Variants in SEMA4F observed in about 807,000 individuals in gnomAD.
SEMA4F encodes semaphorin-4F.
Under a neutral mutation model 78.4 loss-of-function variants are expected in SEMA4F, and 51 were observed. The ratio of observed to expected loss-of-function variants is 0.65; its 90% CI spans 0.52 to 0.82. The LOEUF (loss-of-function observed/expected upper bound fraction) is 0.82, where lower values mean the gene tolerates loss of function less well. SEMA4F is among the 40% of genes least tolerant of loss of function. The probability of loss-of-function intolerance (pLI) is 0.00; values close to 1 mark genes in which losing one functional copy is unlikely to be tolerated. For missense variants in SEMA4F, 938 were observed against 1,014.4 expected (o/e 0.92, Z 1.02); for synonymous variants, 418 against 408.7 (o/e 1.02, Z -0.27).
intron 5 of SEMA4F, 83 bp downstream of exon 5, chr2:74,662,908 T>C (rs1416648215): frequency 8.3e-7 from 1 of 1,210,794 alleles, no homozygotes; most frequent in Non-Finnish European, 1.2e-6. Flanking sequence ...CTGTGTTCTT[T>C]CTTACCTTGG....
At chr2:74,697,364 T>C in the SEMA4F span, among the ~76,000 whole-genome samples, 1 of 152,218 alleles carries the variant, frequency 6.6e-6, no homozygotes. Context: ...CTTGCACTTC[T>C]CTTTGAGAGG....
chr2:74,670,906 T>A lies in SEMA4F; in HGVS notation c.551-2551T>A, dbSNP rs116564061. Among the ~76,000 whole-genome samples the A allele has an allele frequency of 9.2e-3, 1,395 of 152,352 alleles. 8 individuals carry two copies. Among genetic ancestry groups the A allele is most frequent in the Non-Finnish European group, 0.013 (903 of 68,036 alleles). On this transcript the variant is annotated intron_variant, in intron 5 of 13. Coordinates refer to ENST00000357877, the MANE Select transcript of SEMA4F (RefSeq NM_004263.5). ...AGCTTCCCCCTCTTCTGGTGGCAGA[T>A]CAAGCATATGGCCCTTTGAAGTTTC...
intron 4 of SEMA4F, among the ~76,000 whole-genome samples, chr2:74,660,713 T>A (rs1251074950): frequency 6.6e-6 from 1 of 152,242 alleles, no homozygotes; most frequent in African/African-American, 2.4e-5. Flanking sequence ...AATAGGAGGC[T>A]CACCTCTTCA....
chr2:74,706,788 C>A, the SEMA4F span, among the ~76,000 whole-genome samples: 2 of 152,088 alleles, frequency 1.3e-5, no homozygotes, highest in Non-Finnish European at 2.9e-5. Context: ...TGTTTGAAAT[C>A]TCTTCATCTC....
intron 5 of SEMA4F, among the ~76,000 whole-genome samples, chr2:74,666,737 A>T (rs956126563): frequency 6.6e-6 from 1 of 152,230 alleles, no homozygotes; most frequent in African/African-American, 2.4e-5. Context: ...TGGTAACATT[A>T]TATAATCATT....
chr2:74,671,602 A>T (rs80270422), intron 5 of SEMA4F, among the ~76,000 whole-genome samples: 1 of 152,134 alleles, frequency 6.6e-6, no homozygotes, highest in Admixed American at 6.5e-5. Context: ...CTTTCATGTC[A>T]TGACTTAAGC....
the SEMA4F span, among the ~76,000 whole-genome samples, chr2:74,690,448 A>G: frequency 6.6e-6 from 1 of 152,314 alleles, no homozygotes; most frequent in South Asian, 2.1e-4. Flanking sequence ...AGAATAAGTG[A>G]AGGAAAAAAA....
intron 5 of SEMA4F, among the ~76,000 whole-genome samples, chr2:74,669,657 T>A (rs1375784308): frequency 2.0e-5 from 3 of 152,126 alleles, no homozygotes; most frequent in Non-Finnish European, 4.4e-5. Context: ...GAACTGATAA[T>A]TCCTATTGTA....
intron 4 of SEMA4F, among the ~76,000 whole-genome samples, chr2:74,661,575 A>C (rs1170964439): frequency 6.6e-6 from 1 of 152,178 alleles, no homozygotes; most frequent in Non-Finnish European, 1.5e-5. Context: ...TCAGGTGAGG[A>C]TGCTCCCACT....
At chr2:74,703,378 G>A in the SEMA4F span, among the ~76,000 whole-genome samples, 1 of 152,188 alleles carries the variant, frequency 6.6e-6, no homozygotes. Context: ...GTTCTAAAAG[G>A]TCAGAGAAGC....
At chr2:74,664,306 T>C (rs981633698) in intron 5 of SEMA4F, among the ~76,000 whole-genome samples, 1 of 152,242 alleles carries the variant, frequency 6.6e-6, no homozygotes. Context: ...AAAAATTCAT[T>C]GTAAAGATAA....
chr2:74,674,650 CT>C lies in SEMA4F; in HGVS notation c.979del (p.Tyr327MetfsTer28). On this transcript the variant is annotated frameshift_variant, in exon 8 of 14. Transcript: ENST00000357877. LOFTEE classifies it high-confidence loss of function. ...CTGAGCTTGGGGCAGGGACTCCCAT[CT>C]TTTATGGCATCTTTTCTTCCCAGTG... ...RPELGAGTPIFYGIFSSQWEG... is the reference protein window; with the variant it reads ...RPELGAGTPIXYGIFSSQWEG... The C allele has an allele frequency of 1.9e-6, 3 of 1,614,072 alleles. No individual in the cohort carries two copies. The highest frequency in any genetic ancestry group is 2.5e-6 in the Non-Finnish European group (3 of 1,179,996).
At chr2:74,657,318 T>C (rs10182822) in intron 2 of SEMA4F, among the ~76,000 whole-genome samples, 1,834 of 152,356 alleles carry the variant, frequency 0.012, 40 homozygotes, top group African/African-American at 0.037. Context: ...CTTGAAACAA[T>C]ATCTACCTCT....
chr2:74,704,558 CACCAATAATT>C, the SEMA4F span, among the ~76,000 whole-genome samples: 1 of 151,632 alleles, frequency 6.6e-6, no homozygotes, highest in Non-Finnish European at 1.5e-5. Flanking sequence ...TAGAGTATAG[CACCAATAATT>C]GTTTATTGTT....
chr2:74,655,958 A>G (rs903606578), intron 1 of SEMA4F, among the ~76,000 whole-genome samples: 13 of 152,114 alleles, frequency 8.5e-5, no homozygotes, highest in African/African-American at 3.1e-4. Context: ...ATTCATGCCA[A>G]CTTATTCCAG....
the SEMA4F span, among the ~76,000 whole-genome samples, chr2:74,693,714 T>A: frequency 2.0e-5 from 3 of 152,232 alleles, no homozygotes; most frequent in African/African-American, 7.2e-5. Flanking sequence ...GGTAGCATGC[T>A]TTATAACCTG....
At chr2:74,679,475 G>T in intron 13 of SEMA4F, 124 bp from the exon 14 acceptor site, 1 of 1,490,938 alleles carries the variant, frequency 6.7e-7, no homozygotes, top group African/African-American at 1.4e-5. Flanking sequence ...AGCCTCTTTA[G>T]GAATCCCCTT....
chr2:74,695,654 C>A, the SEMA4F span, among the ~76,000 whole-genome samples: 2 of 152,118 alleles, frequency 1.3e-5, no homozygotes, highest in Non-Finnish European at 2.9e-5. Flanking sequence ...TTTTATATGA[C>A]CAAATTGCTT....
chr2:74,662,871 C>T, intron 5 of SEMA4F, 46 bp downstream of exon 5: 2 of 1,419,828 alleles, frequency 1.4e-6, no homozygotes, highest in South Asian at 1.1e-5. Flanking sequence ...CTAATTGCCT[C>T]CTTCCCCACC....
Sources: allele counts gnomAD v4.1 joint callset (sites outside exome capture counted in the v4.1 genomes callset), GRCh38; gene constraint gnomAD v4.1.1; transcripts MANE v1.5; gene names NCBI Gene and HGNC (gene_info 2026-07-23, HGNC 2026-07-21).